Variants in ACAP2 observed in about 807,000 individuals in gnomAD.
The protein encoded by ACAP2 is ArfGAP with coiled-coil, ankyrin repeat and PH domains 2.
ACAP2 carries 39 observed loss-of-function variants against 115.8 expected under a neutral mutation model. The ratio of observed to expected loss-of-function variants is 0.34; its 90% CI spans 0.26 to 0.44. The LOEUF (loss-of-function observed/expected upper bound fraction) is 0.44. Among genes scored for constraint, ACAP2 ranks in the 20% least tolerant of loss-of-function variants. The pLI, the probability that ACAP2 is intolerant of heterozygous loss-of-function variation, is 1.00. For synonymous variants in ACAP2, 289 were observed against 315.8 expected, an observed-to-expected ratio of 0.92 and a Z score of 0.90; for missense variants, 662 against 927.6, an observed-to-expected ratio of 0.71 and a Z score of 3.72.
intron 1 of ACAP2, among the ~76,000 whole-genome samples, chr3:195,393,103 G>A (rs1173846400): frequency 6.6e-6 from 1 of 152,174 alleles, no homozygotes; most frequent in Non-Finnish European, 1.5e-5. Context: ...TTGGGAGGCT[G>A]AGGGGAAGGA....
intron 4 of ACAP2, among the ~76,000 whole-genome samples, chr3:195,364,830 C>T (rs1732605510): frequency 6.6e-6 from 1 of 152,130 alleles, no homozygotes; most frequent in Non-Finnish European, 1.5e-5. Flanking sequence ...TGCATTCTCA[C>T]GTTTACTGTA....
intron 1 of ACAP2, among the ~76,000 whole-genome samples, chr3:195,412,263 T>C (rs143745507): frequency 0.013 from 1,899 of 150,976 alleles, 29 homozygotes; most frequent in African/African-American, 0.042. Flanking sequence ...TATACTCTGT[T>C]AGGTGGCATA....
chr3:195,392,006 A>G (rs1734712609), intron 2 of ACAP2, 84 bp downstream of exon 2: 3 of 1,137,802 alleles, frequency 2.6e-6, no homozygotes, highest in Non-Finnish European at 3.9e-6. Flanking sequence ...AAAAAATAAA[A>G]AAGAGACCTA....
chr3:195,435,214 G>T (rs1715442750), intron 1 of ACAP2, among the ~76,000 whole-genome samples: 1 of 151,026 alleles, frequency 6.6e-6, no homozygotes, highest in Non-Finnish European at 1.5e-5. Flanking sequence ...TCACTCTGTT[G>T]TCCAGGCTGA....
At chr3:195,419,280 C>T (rs1713983960) in intron 1 of ACAP2, among the ~76,000 whole-genome samples, 2 of 152,214 alleles carry the variant, frequency 1.3e-5, no homozygotes, top group Non-Finnish European at 2.9e-5. Context: ...AATCGACTTT[C>T]TGTCTGGGTA....
chr3:195,371,226 G>A (rs976103323), intron 4 of ACAP2, among the ~76,000 whole-genome samples: 6 of 151,996 alleles, frequency 3.9e-5, no homozygotes, highest in Admixed American at 2.6e-4. Flanking sequence ...TGCCATCTCT[G>A]ATTTCTTTGA....
At chr3:195,377,993 C>T (rs1733667220) in intron 4 of ACAP2, among the ~76,000 whole-genome samples, 1 of 143,570 alleles carries the variant, frequency 7.0e-6, no homozygotes, top group Non-Finnish European at 1.5e-5. Context: ...TTTAAAGCAA[C>T]ATGAGTTTTA....
At chr3:195,323,697 A>G (rs1048362454) in intron 9 of ACAP2, among the ~76,000 whole-genome samples, 1 of 152,112 alleles carries the variant, frequency 6.6e-6, no homozygotes, top group African/African-American at 2.4e-5. Flanking sequence ...TGTGGGATCT[A>G]AAAAATAAAA....
intron 2 of ACAP2, among the ~76,000 whole-genome samples, chr3:195,382,254 TAAC>T (rs1181744643): frequency 1.3e-5 from 2 of 152,098 alleles, no homozygotes; most frequent in East Asian, 3.9e-4. Flanking sequence ...GGCTGTGTGA[TAAC>T]AACAACAAAA....
Position 195,442,998 on chromosome 3 carries a change from C to G in ACAP2, c.-151G>C, listed in dbSNP as rs931575368. 1.8e-5 allele frequency: 11 copies of G among 605,912 alleles called. No individual in the cohort carries two copies. Among genetic ancestry groups the G allele is most frequent in the Non-Finnish European group, 2.6e-5 (10 of 378,020 alleles). 37.5% of individuals were successfully genotyped at this position (605,912 alleles called of 1,614,324 possible). ...CCTCGCCCGCTGGTCATAGCAGCCG[C>G]GAAGACGGCGACGACTAGTCAGGCC... On this transcript the variant is annotated 5_prime_UTR_variant, in exon 1 of 23. Coordinates refer to ENST00000326793, the MANE Select transcript of ACAP2 (RefSeq NM_012287.6).
intron 1 of ACAP2, among the ~76,000 whole-genome samples, chr3:195,424,224 ATGTG>A (rs10576915): frequency 2.9e-4 from 33 of 113,238 alleles, no homozygotes; most frequent in African/African-American, 7.1e-4. Context: ...GAATGGTCAT[ATGTG>A]TGTGTGTGTG....
chr3:195,438,502 T>C (rs901769390), intron 1 of ACAP2, among the ~76,000 whole-genome samples: 2 of 152,108 alleles, frequency 1.3e-5, no homozygotes, highest in Non-Finnish European at 2.9e-5. Flanking sequence ...TTGGCACCAA[T>C]CCAGACTTAA....
intron 4 of ACAP2, among the ~76,000 whole-genome samples, chr3:195,352,132 G>C (rs574593941): frequency 5.9e-5 from 9 of 152,284 alleles, no homozygotes; most frequent in African/African-American, 2.2e-4. Flanking sequence ...TATCTGTACT[G>C]TACTTTTTCT....
Position 195,409,234 on chromosome 3 carries a change from C to T in ACAP2, c.54-17087G>A, listed in dbSNP as rs1484719759. Among the ~76,000 whole-genome samples the T allele has an allele frequency of 2.6e-5, 4 of 152,150 alleles. No homozygotes were observed. The East Asian group carries it at 7.7e-4, about 29-fold the overall frequency. On this transcript the variant is annotated intron_variant, in intron 1 of 22. Coordinates refer to ENST00000326793, the MANE Select transcript of ACAP2 (RefSeq NM_012287.6). ...AGGAACCTGTTAGAATAAATGAATT[C>T]CTCAAAGTAGCAGGATATAGTCAAC...
intron 6 of ACAP2, among the ~76,000 whole-genome samples, chr3:195,337,580 C>G (rs2108638594): frequency 6.6e-6 from 1 of 152,030 alleles, no homozygotes; most frequent in South Asian, 2.1e-4. Context: ...TCCCGAGTAG[C>G]TGGGATTACC....
chr3:195,286,193 C>T (rs539067084), intron 21 of ACAP2, among the ~76,000 whole-genome samples: 1 of 152,202 alleles, frequency 6.6e-6, no homozygotes, highest in Non-Finnish European at 1.5e-5. Flanking sequence ...TAACTGCCAA[C>T]TGTTGAAATT....
chr3:195,314,044 C>T (rs1286750736), intron 10 of ACAP2, among the ~76,000 whole-genome samples: 1 of 152,032 alleles, frequency 6.6e-6, no homozygotes, highest in Non-Finnish European at 1.5e-5. Flanking sequence ...CTATTTCAAT[C>T]GCATCATACA....
chr3:195,319,114 G>A lies in ACAP2; in HGVS notation c.857+1587C>T, dbSNP rs537459808. Among the ~76,000 whole-genome samples, 51 of 152,316 alleles carry A rather than the reference G, an allele frequency of 3.3e-4. No homozygotes were observed. The Middle Eastern group carries it at 0.017, about 51-fold the overall frequency. On this transcript the variant is annotated intron_variant, in intron 10 of 22. Transcript: ENST00000326793. ...TCAGAGTGGGCAAGCCCCAAGCATT[G>A]GTGGCTTCCATGTGGTATTAGGCCT...
chr3:195,424,745 G>T (rs1239844905), intron 1 of ACAP2, among the ~76,000 whole-genome samples: 1 of 151,170 alleles, frequency 6.6e-6, no homozygotes, highest in Admixed American at 6.6e-5. Context: ...GTGAGATTTC[G>T]TCTCTACAAA....
Sources: gnomAD v4.1 joint callset for allele counts (sites outside exome capture counted in the v4.1 genomes callset) on GRCh38, gnomAD v4.1.1 for gene constraint, MANE v1.5 for transcripts, NCBI Gene and HGNC (gene_info 2026-07-23, HGNC 2026-07-21) for gene names.